The following AVEN variants were observed in gnomAD, a reference collection of about 807,000 sequenced individuals.
AVEN encodes cell death regulator Aven.
A neutral mutation model predicts 38.1 loss-of-function variants in AVEN; 41 were observed. The ratio of observed to expected loss-of-function variants is 1.08; its 90% CI spans 0.84 to 1.40. The LOEUF (loss-of-function observed/expected upper bound fraction) is 1.40, where lower values mean the gene tolerates loss of function less well. AVEN is among the 40% of genes most tolerant of loss of function. The probability of loss-of-function intolerance (pLI) is 0.00; values close to 1 mark genes in which losing one functional copy is unlikely to be tolerated. For synonymous variants in AVEN, 206 were observed against 171.8 expected (o/e 1.20, Z -1.56); for missense variants, 605 against 438.8 (o/e 1.38, Z -3.38).
chr15:34,038,590 C>T (rs930111949), intron 1 of AVEN, among the ~76,000 whole-genome samples, 190 bp downstream of exon 1: 32 of 147,396 alleles, frequency 2.2e-4, no homozygotes, highest in African/African-American at 7.8e-4. Flanking sequence ...GAGGGCCAAG[C>T]GCATACCCAG....
At chr15:34,073,037 T>G (rs1235530874) in intron 1 of AVEN, among the ~76,000 whole-genome samples, 3 of 151,460 alleles carry the variant, frequency 2.0e-5, no homozygotes, top group African/African-American at 4.8e-5. Flanking sequence ...AGACACTTTT[T>G]TTTTTTCTTT....
chr15:33,861,387 G>C (rs1256586890), downstream of AVEN, among the ~76,000 whole-genome samples: 2 of 151,992 alleles, frequency 1.3e-5, no homozygotes, highest in Non-Finnish European at 2.9e-5. Flanking sequence ...CAAAAGGCCA[G>C]CCCCTCAACC....
At chr15:34,062,825 G>A in intron 5 of AVEN, 1 of 1,614,250 alleles carries the variant, frequency 6.2e-7, no homozygotes, top group East Asian at 2.2e-5. Context: ...TTGCAGCTGT[G>A]ACTGCTGTGG....
chr15:33,948,677 G>A (rs936987916), intron 2 of AVEN, among the ~76,000 whole-genome samples: 1 of 151,742 alleles, frequency 6.6e-6, no homozygotes, highest in Non-Finnish European at 1.5e-5. Context: ...GAAGGTGTTT[G>A]TTTATTTGTT....
intron 5 of AVEN, among the ~76,000 whole-genome samples, chr15:34,054,084 A>G (rs1015316278): frequency 2.6e-5 from 4 of 152,202 alleles, no homozygotes; most frequent in African/African-American, 7.2e-5. Context: ...AAAAAACTCA[A>G]CATCACTGAT....
chr15:33,992,718 C>T (rs1206159065), intron 2 of AVEN, among the ~76,000 whole-genome samples: 1 of 152,146 alleles, frequency 6.6e-6, no homozygotes, highest in Admixed American at 6.5e-5. Flanking sequence ...CTTGTTGCCT[C>T]ATGGAAAGAA....
intron 1 of AVEN, among the ~76,000 whole-genome samples, chr15:34,009,386 C>A (rs1438322256): frequency 1.3e-5 from 2 of 152,158 alleles, no homozygotes; most frequent in Non-Finnish European, 2.9e-5. Flanking sequence ...CATATTTCTT[C>A]TCTTGTCTTC....
intron 1 of AVEN, among the ~76,000 whole-genome samples, chr15:34,035,636 G>A (rs1322062533): frequency 6.6e-6 from 1 of 152,090 alleles, no homozygotes; most frequent in Non-Finnish European, 1.5e-5. Flanking sequence ...CTCGACAAAT[G>A]TGAATTACTG....
chr15:33,860,793 TTCTCTGCACCCTGC>T (rs1887897081), intron 11 of AVEN: 1 of 740,624 alleles, frequency 1.4e-6, no homozygotes, highest in African/African-American at 1.8e-5. Flanking sequence ...CCATGCCCTG[TTCTCTGCACCCTGC>T]CATACCCCTG....
At chr15:33,932,223 A>G (rs533286519) in intron 2 of AVEN, among the ~76,000 whole-genome samples, 1 of 152,356 alleles carries the variant, frequency 6.6e-6, no homozygotes, top group African/African-American at 2.4e-5. Context: ...CTTATACTAA[A>G]TAACATATAC....
chr15:33,997,663 A>G (rs1443394948), intron 2 of AVEN, among the ~76,000 whole-genome samples: 1 of 152,052 alleles, frequency 6.6e-6, no homozygotes, highest in Non-Finnish European at 1.5e-5. Flanking sequence ...TGTGATCCCA[A>G]TATCTTTTTA....
chr15:33,860,984 T>C (rs2153017716), intron 11 of AVEN: 1 of 1,034,374 alleles, frequency 9.7e-7, no homozygotes, highest in Middle Eastern at 2.0e-4. Context: ...GAAAGAAAGT[T>C]TTCATTATCC....
intron 2 of AVEN, among the ~76,000 whole-genome samples, chr15:33,890,324 T>C (rs1891885397): frequency 6.6e-6 from 1 of 152,204 alleles, no homozygotes; most frequent in South Asian, 2.1e-4. Context: ...CTCTTGTGAC[T>C]GGTGCGGTGC....
intron 2 of AVEN, among the ~76,000 whole-genome samples, chr15:33,997,077 CA>C (rs1352955904): frequency 2.0e-5 from 3 of 152,024 alleles, no homozygotes; most frequent in Non-Finnish European, 4.4e-5. Context: ...TAACATTCTT[CA>C]GGAAAAAAAG....
rs768326067 is a variant in AVEN at position 33,866,698 on chromosome 15, T to C, written c.1004A>G (p.Lys335Arg). Residue 335 changes from lysine (K) to arginine (R), a missense_variant, in exon 6 of 6, where the codon AAA (lysine) becomes AGA (arginine). By Grantham distance (26) the Lys-to-Arg change is conservative (BLOSUM62 2). Transcript: ENST00000306730. ...ACTTGGTTGCTCAGGTTCCATGTTT[T>C]TTTCTTCAGTCACAGATGGTTTTGC... ...VCAKPSVTEE[K>R]NMEPEQPSTS... is the part of the protein sequence containing the mutation. The C allele has an allele frequency of 3.7e-6, 6 of 1,614,088 alleles. No homozygotes were observed. The highest frequency in any genetic ancestry group is 5.1e-6 in the Non-Finnish European group (6 of 1,179,954).
chr15:34,008,202 C>T (rs571629106), intron 1 of AVEN, among the ~76,000 whole-genome samples: 31 of 152,128 alleles, frequency 2.0e-4, no homozygotes, highest in Non-Finnish European at 3.5e-4. Flanking sequence ...AGAAGGATTG[C>T]TTGAGGCCAG....
chr15:33,857,806 CGTGGTGGTTTATCTCTATACT>C, downstream of AVEN: 1 of 1,614,114 alleles, frequency 6.2e-7, no homozygotes, highest in Non-Finnish European at 8.5e-7. Context: ...GTCTCCTGGC[CGTGGTGGTTTATCTCTATACT>C]GTGGTGGCTT....
At chr15:33,862,321 G>C (rs781577228), downstream of AVEN, among the ~76,000 whole-genome samples, 1 of 151,800 alleles carries the variant, frequency 6.6e-6, no homozygotes, top group South Asian at 2.1e-4. Context: ...CAAGACATCC[G>C]CCTCAGCCTC....
intron 4 of AVEN, among the ~76,000 whole-genome samples, chr15:33,868,965 G>C (rs947607790): frequency 1.3e-5 from 2 of 152,194 alleles, no homozygotes; most frequent in East Asian, 3.9e-4. Flanking sequence ...CACCGCTCTC[G>C]AGGGAAGGCT....
Sources: gnomAD v4.1 joint callset for allele counts (sites outside exome capture counted in the v4.1 genomes callset) on GRCh38, gnomAD v4.1.1 for gene constraint, MANE v1.5 for transcripts, NCBI Gene and HGNC (gene_info 2026-07-23, HGNC 2026-07-21) for gene names.